PAK5: variants seen among roughly 807,000 people sequenced by gnomAD.
PAK5 encodes serine/threonine-protein kinase PAK 5.
A neutral mutation model predicts 65.9 loss-of-function variants in PAK5; 16 were observed. That is an observed-to-expected ratio of 0.24 (90% CI 0.16 to 0.37). PAK5 has a LOEUF of 0.37. PAK5 is among the 10% of genes least tolerant of loss of function. The pLI, the probability that PAK5 is intolerant of heterozygous loss-of-function variation, is 1.00. For synonymous variants in PAK5, 371 were observed against 354.9 expected, an observed-to-expected ratio of 1.05 and a Z score of -0.51; for missense variants, 785 against 903.9, an observed-to-expected ratio of 0.87 and a Z score of 1.69.
chr20:9,563,652 C>T (rs1210863194), intron 5 of PAK5, among the ~76,000 whole-genome samples: 1 of 152,194 alleles, frequency 6.6e-6, no homozygotes, highest in African/African-American at 2.4e-5. Context: ...AATTGCTGCC[C>T]TGTGGCTGTT....
intron 6 of PAK5, among the ~76,000 whole-genome samples, chr20:9,561,844 T>C (rs2045595270): frequency 1.3e-5 from 2 of 152,228 alleles, no homozygotes; most frequent in Non-Finnish European, 2.9e-5. Flanking sequence ...TGCTATTTTG[T>C]ATGTCTATTC....
Position 9,665,085 on chromosome 20 carries a change from G to GTT in PAK5, c.-11-20748_-11-20747dup, listed in dbSNP as rs754435525. 7.1e-3 allele frequency among the ~76,000 whole-genome samples: 701 copies of GTT among 98,888 alleles called. 52 individuals carry two copies. Among genetic ancestry groups the GTT allele is most frequent in the African/African-American group, 0.025 (623 of 24,618 alleles). 64.9% of individuals were successfully genotyped at this position (98,888 alleles called of 152,430 possible). ...CCACCATGCCCAGCTAAATTTTTCT[G>GTT]TTTTTTTTTTTTTTTGTAGTGATGA... On this transcript the variant is annotated intron_variant, in intron 2 of 9. Transcript: ENST00000353224.
At chr20:9,638,181 C>A (rs143322394) in intron 3 of PAK5, among the ~76,000 whole-genome samples, 5 of 152,226 alleles carry the variant, frequency 3.3e-5, no homozygotes, top group Admixed American at 6.5e-5. Flanking sequence ...GACCATTCAA[C>A]CTGCCCTTTA....
chr20:9,730,372 C>G (rs2048323770), intron 1 of PAK5, among the ~76,000 whole-genome samples: 2 of 152,114 alleles, frequency 1.3e-5, no homozygotes, highest in African/African-American at 4.8e-5. Context: ...GATGTTTCAA[C>G]TTATTAGTGC....
intron 1 of PAK5, among the ~76,000 whole-genome samples, chr20:9,735,110 T>G (rs2048374591): frequency 6.6e-6 from 1 of 152,116 alleles, no homozygotes; most frequent in Non-Finnish European, 1.5e-5. Flanking sequence ...TTTTTCATAT[T>G]AAAAAAATCA....
At chr20:9,738,548 T>C (rs941556997) in intron 1 of PAK5, among the ~76,000 whole-genome samples, 3 of 152,138 alleles carry the variant, frequency 2.0e-5, no homozygotes, top group African/African-American at 7.2e-5. Context: ...TATGCTGAGT[T>C]AAGGAAGCCA....
At chr20:9,829,294 G>C (rs921030522) in intron 1 of PAK5, among the ~76,000 whole-genome samples, 2 of 152,146 alleles carry the variant, frequency 1.3e-5, no homozygotes, top group African/African-American at 4.8e-5. Context: ...AGTCAAAGTG[G>C]GTTGATTAAT....
intron 1 of PAK5, among the ~76,000 whole-genome samples, chr20:9,738,121 CAG>C (rs755266672): frequency 6.6e-6 from 1 of 151,616 alleles, no homozygotes; most frequent in Non-Finnish European, 1.5e-5. Flanking sequence ...AGCCTGGTTA[CAG>C]AGAGTGAGAC....
intron 2 of PAK5, among the ~76,000 whole-genome samples, chr20:9,654,715 G>A (rs2047244522): frequency 6.6e-6 from 1 of 152,026 alleles, no homozygotes; most frequent in South Asian, 2.1e-4. Flanking sequence ...CCACCCCTTG[G>A]TACCTCTCTA....
intron 1 of PAK5, among the ~76,000 whole-genome samples, chr20:9,743,836 C>A (rs560051602): frequency 1.3e-5 from 2 of 152,114 alleles, no homozygotes; most frequent in Non-Finnish European, 2.9e-5. Flanking sequence ...ATTCCTGGAA[C>A]GCATAAGTTT....
intron 1 of PAK5, among the ~76,000 whole-genome samples, chr20:9,728,465 T>C (rs1422013620): frequency 6.6e-6 from 1 of 152,204 alleles, no homozygotes; most frequent in African/African-American, 2.4e-5. Context: ...TGCACACATC[T>C]GTATTATAGA....
chr20:9,568,039 G>A (rs931927882), intron 4 of PAK5, among the ~76,000 whole-genome samples: 8 of 152,170 alleles, frequency 5.3e-5, no homozygotes, highest in Non-Finnish European at 8.8e-5. Context: ...AAGAGCAGAC[G>A]CTCAGCTATA....
chr20:9,788,774 C>T (rs183629483), intron 1 of PAK5, among the ~76,000 whole-genome samples: 1 of 152,228 alleles, frequency 6.6e-6, no homozygotes, highest in Non-Finnish European at 1.5e-5. Flanking sequence ...CAAAGGGGTT[C>T]CAAGATTCAG....
At chr20:9,692,138 A>G (rs1321304856) in intron 2 of PAK5, among the ~76,000 whole-genome samples, 2 of 152,216 alleles carry the variant, frequency 1.3e-5, no homozygotes, top group African/African-American at 4.8e-5. Flanking sequence ...GCTCACTCTG[A>G]TAGAGTACTT....
At chr20:9,679,060 C>T (rs1040730040) in intron 2 of PAK5, among the ~76,000 whole-genome samples, 7 of 152,158 alleles carry the variant, frequency 4.6e-5, no homozygotes, top group African/African-American at 1.7e-4. Context: ...CAAGACCAAC[C>T]TCTCCTGTTC....
chr20:9,543,451 G>C (rs189696050), intron 8 of PAK5, among the ~76,000 whole-genome samples: 1 of 152,032 alleles, frequency 6.6e-6, no homozygotes, highest in Non-Finnish European at 1.5e-5. Flanking sequence ...TGAACGTATT[G>C]CTATTATTAC....
chr20:9,542,795 A>C, intron 8 of PAK5, 75 bp from the exon 9 acceptor site: 12 of 1,312,868 alleles, frequency 9.1e-6, no homozygotes, highest in South Asian at 1.3e-5. Context: ...ACAGAACCTC[A>C]TACTCATTCA....
At chr20:9,728,824 T>C (rs1378031052) in intron 1 of PAK5, among the ~76,000 whole-genome samples, 1 of 152,088 alleles carries the variant, frequency 6.6e-6, no homozygotes, top group Non-Finnish European at 1.5e-5. Flanking sequence ...GTTTACGCAT[T>C]GTCTATGACT....
At chr20:9,616,224 G>T (rs2046652954) in intron 3 of PAK5, among the ~76,000 whole-genome samples, 1 of 152,200 alleles carries the variant, frequency 6.6e-6, no homozygotes. Context: ...AACCATGCAT[G>T]ATGTCAAATA....
Sources: gnomAD v4.1 joint callset for allele counts (sites outside exome capture counted in the v4.1 genomes callset) on GRCh38, gnomAD v4.1.1 for gene constraint, MANE v1.5 for transcripts, NCBI Gene and HGNC (gene_info 2026-07-23, HGNC 2026-07-21) for gene names.